Variants in VPS8 observed in about 807,000 individuals in gnomAD.
VPS8 encodes VPS8 subunit of CORVET complex, also known as vacuolar protein sorting-associated protein 8 homolog.
A neutral mutation model predicts 216.4 loss-of-function variants in VPS8; 129 were observed. The ratio of observed to expected loss-of-function variants is 0.60; its 90% CI spans 0.52 to 0.69. VPS8 has a LOEUF of 0.69. VPS8 is among the 30% of genes least tolerant of loss of function. VPS8 has a pLI of 0.00. For synonymous variants in VPS8, 571 were observed against 565.4 expected (o/e 1.01, Z -0.14); for missense variants, 1,531 against 1,683.5 (o/e 0.91, Z 1.59).
At chr3:184,985,794 G>GT (rs1456039746) in intron 42 of VPS8, among the ~76,000 whole-genome samples, 1 of 152,218 alleles carries the variant, frequency 6.6e-6, no homozygotes, top group Non-Finnish European at 1.5e-5. Context: ...GACAGTTCCT[G>GT]TTTTTCCATT....
chr3:184,911,407 T>G (rs1736505395), intron 25 of VPS8, among the ~76,000 whole-genome samples: 1 of 152,216 alleles, frequency 6.6e-6, no homozygotes, highest in East Asian at 1.9e-4. Flanking sequence ...AAAAAATGTC[T>G]GAGACAAGTC....
Position 184,994,023 on chromosome 3 carries a change from G to T in VPS8, c.3626G>T (p.Gly1209Val), listed in dbSNP as rs200910715. ...YGKGKLGEIQ[G>V]LILGMLDTFN... is the part of the protein sequence containing the mutation. Reference sequence around the variant, plus strand: ...AAAGGAAAACTTGGAGAAATCCAGGGACTTATCTTGGGAATGTTAGATACC... The same window carrying T: ...AAAGGAAAACTTGGAGAAATCCAGGTACTTATCTTGGGAATGTTAGATACC... The change falls in exon 43 of 48, where the codon GGA becomes GTA. Residue 1209 changes from glycine to valine, a missense_variant. Physicochemically the swap from Gly to Val is moderately radical, Grantham distance 109. This residue lies in a region of VPS8 where 1,318 missense variants were observed against 1,468.4 expected (regional missense o/e 0.90). Transcript: ENST00000625842. 2 of 1,568,016 alleles carry T rather than the reference G, an allele frequency of 1.3e-6. No homozygotes were observed. Among genetic ancestry groups the T allele is most frequent in the Middle Eastern group, 1.7e-4 (1 of 5,992 alleles).
chr3:184,989,390 C>T (rs115913001), intron 42 of VPS8, among the ~76,000 whole-genome samples: 1 of 151,880 alleles, frequency 6.6e-6, no homozygotes, highest in African/African-American at 2.4e-5. Context: ...CTTATTTAGC[C>T]TGTTGATGTG....
rs559490183 is a variant in VPS8, at chr3:184,917,978, A to G, written c.2383-2149A>G. ...AGGCTTCCCTCCTAATAACCATCAC[A>G]TTGGTGATTAGGTTCTCAACATGAA... On this transcript the variant is annotated intron_variant, in intron 28 of 47. Coordinates refer to ENST00000625842, the MANE Select transcript of VPS8 (RefSeq NM_001009921.3). Among the ~76,000 whole-genome samples the G allele has an allele frequency of 2.2e-4, 33 of 152,266 alleles. No individual in the cohort carries two copies. In the East Asian group the frequency reaches 5.0e-3, roughly 23 times the overall value.
chr3:184,838,281 T>C (rs936539622), intron 5 of VPS8, among the ~76,000 whole-genome samples: 1 of 152,184 alleles, frequency 6.6e-6, no homozygotes, highest in Non-Finnish European at 1.5e-5. Flanking sequence ...TATTTAGAGG[T>C]TATTAGGTAA....
chr3:184,814,255 T>C (rs1027972574), intron 1 of VPS8, among the ~76,000 whole-genome samples: 1 of 152,210 alleles, frequency 6.6e-6, no homozygotes, highest in Non-Finnish European at 1.5e-5. Flanking sequence ...ATCCAGTGAC[T>C]CCAGTGATGG....
At chr3:184,915,086 C>G in intron 27 of VPS8, 33 bp downstream of exon 27, 1 of 1,605,782 alleles carries the variant, frequency 6.2e-7, no homozygotes, top group Non-Finnish European at 8.5e-7. Flanking sequence ...TTTGACTGTT[C>G]TCCGTCTCTG....
chr3:184,980,442 G>A (rs972774658), intron 40 of VPS8, among the ~76,000 whole-genome samples: 1 of 151,992 alleles, frequency 6.6e-6, no homozygotes, highest in Non-Finnish European at 1.5e-5. Flanking sequence ...GAATGCCAAA[G>A]GTTTGGTGTC....
At chr3:184,828,880 T>C (rs541828162) in intron 3 of VPS8, among the ~76,000 whole-genome samples, 1 of 152,318 alleles carries the variant, frequency 6.6e-6, no homozygotes, top group Non-Finnish European at 1.5e-5. Flanking sequence ...TAGAAGCTCA[T>C]CTTGTGTCCC....
chr3:184,892,321 A>G (rs1732497658), intron 22 of VPS8, among the ~76,000 whole-genome samples: 1 of 152,156 alleles, frequency 6.6e-6, no homozygotes, highest in African/African-American at 2.4e-5. Context: ...GGTTCAAGCA[A>G]TTCTCCTGCC....
intron 11 of VPS8, among the ~76,000 whole-genome samples, chr3:184,853,477 G>C (rs1296467131): frequency 6.6e-6 from 1 of 152,178 alleles, no homozygotes; most frequent in Non-Finnish European, 1.5e-5. Context: ...AGACCATTCA[G>C]ACACAAAGAC....
intron 28 of VPS8, among the ~76,000 whole-genome samples, chr3:184,918,153 G>A (rs891354888): frequency 2.6e-5 from 4 of 152,152 alleles, no homozygotes; most frequent in Non-Finnish European, 4.4e-5. Flanking sequence ...TATTTTAAGA[G>A]GCAAATCAGC....
At chr3:184,885,157 A>G (rs1392351265) in intron 21 of VPS8, among the ~76,000 whole-genome samples, 1 of 152,186 alleles carries the variant, frequency 6.6e-6, no homozygotes, top group Non-Finnish European at 1.5e-5. Context: ...TCTCTCTCAA[A>G]TAATAAGAGT....
At chr3:184,832,579 C>A in intron 3 of VPS8, 110 bp from the exon 4 acceptor site, 2 of 938,424 alleles carry the variant, frequency 2.1e-6, no homozygotes, top group Non-Finnish European at 3.1e-6. Flanking sequence ...GGAATAGAGG[C>A]GAAAAGCAGA....
chr3:184,947,548 G>A (rs185218034), intron 36 of VPS8, among the ~76,000 whole-genome samples: 3 of 151,054 alleles, frequency 2.0e-5, no homozygotes, highest in African/African-American at 7.3e-5. Context: ...GTTGTGGGCA[G>A]GTTTTTTTTT....
intron 40 of VPS8, among the ~76,000 whole-genome samples, chr3:184,973,508 C>T (rs1748775236): frequency 6.6e-6 from 1 of 152,104 alleles, no homozygotes. Flanking sequence ...AAATCGGTTA[C>T]TTAGGATATC....
intron 26 of VPS8, 120 bp from the exon 27 acceptor site, chr3:184,914,861 C>A: frequency 3.0e-6 from 3 of 1,006,522 alleles, no homozygotes; most frequent in South Asian, 1.4e-5. Flanking sequence ...ACCTAACTGA[C>A]AAAAGCTGAG....
At chr3:184,886,203 G>A (rs369953710) in intron 22 of VPS8, 47 bp downstream of exon 22, 3 of 1,549,996 alleles carry the variant, frequency 1.9e-6, no homozygotes, top group South Asian at 2.3e-5. Context: ...AACCCAGGTA[G>A]CCTCTTATGT....
At chr3:185,005,239 A>G (rs931551281) in intron 45 of VPS8, among the ~76,000 whole-genome samples, 1 of 152,106 alleles carries the variant, frequency 6.6e-6, no homozygotes, top group Non-Finnish European at 1.5e-5. Flanking sequence ...CTACATTCCT[A>G]TTTTTATACC....
Sources: allele counts gnomAD v4.1 joint callset (sites outside exome capture counted in the v4.1 genomes callset), GRCh38; gene constraint gnomAD v4.1.1; regional missense constraint gnomAD v4.1.1; transcripts MANE v1.5; gene names NCBI Gene and HGNC (gene_info 2026-07-23, HGNC 2026-07-21).